The following EMILIN2 variants were observed in gnomAD, a reference collection of about 807,000 sequenced individuals.
EMILIN2 encodes the protein EMILIN-2.
EMILIN2 carries 71 observed loss-of-function variants against 87.1 expected under a neutral mutation model. The observed-to-expected ratio is 0.82, with a 90% CI of 0.67 to 0.99. EMILIN2 has a LOEUF of 0.99. Ranked by LOEUF, EMILIN2 falls within the 50% of genes least tolerant of loss-of-function variation. EMILIN2 has a pLI of 0.00. For missense variants in EMILIN2, 1,407 were observed against 1,371.8 expected (o/e 1.03, Z -0.40); for synonymous variants, 581 against 563.4 (o/e 1.03, Z -0.44).
chr18:2,915,050 C>G lies in EMILIN2; in HGVS notation c.*1646C>G, dbSNP rs562425928. On this transcript the variant is annotated 3_prime_UTR_variant, in exon 8 of 8. Coordinates refer to ENST00000254528, the MANE Select transcript of EMILIN2 (RefSeq NM_032048.3). Reference sequence around the variant, plus strand: ...TCGCCCTCTCCTCTCCTCTCACGCTCCTTTTGAAAAGACCGCACTCGGCGC... The same window carrying G: ...TCGCCCTCTCCTCTCCTCTCACGCTGCTTTTGAAAAGACCGCACTCGGCGC... The G allele has an allele frequency of 1.5e-4, 23 of 152,344 alleles. No homozygotes were observed. Among genetic ancestry groups the G allele is most frequent in the Non-Finnish European group, 3.2e-4 (22 of 68,066 alleles). 9.4% of individuals were successfully genotyped at this position (152,344 alleles called of 1,614,324 possible).
At chr18:2,911,252 G>T (rs1257898273) in intron 7 of EMILIN2, among the ~76,000 whole-genome samples, 3 of 152,176 alleles carry the variant, frequency 2.0e-5, no homozygotes, top group Admixed American at 2.0e-4. Flanking sequence ...CCCTTGGGGG[G>T]CCGTCCGCAT....
At chr18:2,898,618 G>A (rs893162179) in intron 4 of EMILIN2, among the ~76,000 whole-genome samples, 1 of 152,220 alleles carries the variant, frequency 6.6e-6, no homozygotes, top group Non-Finnish European at 1.5e-5. Context: ...ACCCCTTTCT[G>A]CTCATGTCTC....
chr18:2,893,591 C>G (rs769800396), intron 4 of EMILIN2, among the ~76,000 whole-genome samples: 1 of 152,182 alleles, frequency 6.6e-6, no homozygotes, highest in Non-Finnish European at 1.5e-5. Context: ...GCAGCCTTCT[C>G]AAAGGACAGA....
intron 2 of EMILIN2, among the ~76,000 whole-genome samples, chr18:2,855,961 C>T (rs1482269470): frequency 6.6e-6 from 1 of 152,124 alleles, no homozygotes; most frequent in Non-Finnish European, 1.5e-5. Context: ...TCTTTGAGGA[C>T]TTTGGGTTTG....
At chr18:2,870,674 G>A (rs1033110929) in intron 2 of EMILIN2, among the ~76,000 whole-genome samples, 1 of 152,238 alleles carries the variant, frequency 6.6e-6, no homozygotes, top group African/African-American at 2.4e-5. Context: ...TTATGGCTTT[G>A]AAGGAAGCTT....
intron 2 of EMILIN2, among the ~76,000 whole-genome samples, chr18:2,850,649 A>C (rs548409620): frequency 1.8e-3 from 271 of 152,138 alleles, no homozygotes; most frequent in African/African-American, 6.2e-3. Flanking sequence ...TCAGAAACTC[A>C]CTCTAGAGTG....
chr18:2,907,236 A>G (rs2076919000), intron 5 of EMILIN2, 151 bp downstream of exon 5: 8 of 897,816 alleles, frequency 8.9e-6, no homozygotes, highest in Non-Finnish European at 1.0e-5. Context: ...CCGAGGCCCG[A>G]GGGACCGCTC....
upstream of EMILIN2, chr18:2,846,752 G>A (rs2076575792): frequency 2.0e-6 from 2 of 985,300 alleles, no homozygotes; most frequent in South Asian, 9.4e-5. This position sits in a 1 kb window ranked among gnomAD's most constrained non-coding sequence, Gnocchi z 5.3. Context: ...AAGGTGGGAG[G>A]CGGAGTCGCT....
chr18:2,873,049 T>TTA (rs2076728121), intron 2 of EMILIN2, among the ~76,000 whole-genome samples: 1 of 131,428 alleles, frequency 7.6e-6, no homozygotes, highest in African/African-American at 3.2e-5. Flanking sequence ...TTATGTGATT[T>TTA]AAAAAAAAAA....
At chr18:2,889,141 T>C (rs1294499147) in intron 3 of EMILIN2, among the ~76,000 whole-genome samples, 2 of 133,462 alleles carry the variant, frequency 1.5e-5, no homozygotes, top group African/African-American at 6.3e-5. Flanking sequence ...TTCTTTTTTT[T>C]TTTTTTTTTT....
Position 2,903,208 on chromosome 18 carries a change from T to A in EMILIN2, c.2360-3575T>A, listed in dbSNP as rs71356079. On this transcript the variant is annotated intron_variant, in intron 4 of 7. Coordinates refer to ENST00000254528, the MANE Select transcript of EMILIN2 (RefSeq NM_032048.3). ...TGGGGCTGGGGCTCAGGCAGAGGCG[T>A]GTGCCCTGGGAGGCAGGCCAGCTTC... is the stretch of plus-strand genomic sequence containing the variant. Among the ~76,000 whole-genome samples, 698 of 151,808 alleles carry A rather than the reference T, an allele frequency of 4.6e-3. 2 individuals carry two copies. Among genetic ancestry groups the A allele is most frequent in the Non-Finnish European group, 6.8e-3 (461 of 67,936 alleles).
intron 3 of EMILIN2, among the ~76,000 whole-genome samples, chr18:2,889,433 T>C (rs609358): frequency 0.94 from 143,505 of 151,982 alleles, 67,836 homozygotes; most frequent in East Asian, 0.98. Context: ...CCATCATGGC[T>C]GGATGCAGTA....
chr18:2,911,320 G>A (rs149708430), intron 7 of EMILIN2, among the ~76,000 whole-genome samples: 1 of 152,218 alleles, frequency 6.6e-6, no homozygotes, highest in Non-Finnish European at 1.5e-5. Flanking sequence ...CTGGAGTTGT[G>A]CATGTGCCCA....
At chr18:2,911,445 A>G (rs2076940360) in intron 7 of EMILIN2, among the ~76,000 whole-genome samples, 1 of 152,208 alleles carries the variant, frequency 6.6e-6, no homozygotes, top group African/African-American at 2.4e-5. Context: ...TTCATCGCCC[A>G]ACTCCGGAGA....
In EMILIN2 at chr18:2,848,054, C is replaced by G; in HGVS notation, c.257+123C>G. 2 of 1,284,742 alleles carry G rather than the reference C, an allele frequency of 1.6e-6. No individual in the cohort carries two copies. Among genetic ancestry groups the G allele is most frequent in the Non-Finnish European group, 1.0e-6 (1 of 968,038 alleles). 79.6% of individuals were successfully genotyped at this position (1,284,742 alleles called of 1,614,324 possible). Reference sequence around the variant, plus strand: ...TCCCTTCCAGATCCGGTGAAAAGCCCGCAGCGGAAAAGCGCTCCGAGCGCT... The same window carrying G: ...TCCCTTCCAGATCCGGTGAAAAGCCGGCAGCGGAAAAGCGCTCCGAGCGCT... On this transcript the variant is annotated intron_variant, in intron 2 of 7. Transcript: ENST00000254528. This position sits in a 1 kb window ranked among gnomAD's most constrained non-coding sequence, Gnocchi z 4.1.
chr18:2,892,079 G>A lies in EMILIN2; in HGVS notation c.1952G>A (p.Arg651Lys). 1 of 1,614,186 alleles carries A rather than the reference G, an allele frequency of 6.2e-7. No individual in the cohort carries two copies. Among genetic ancestry groups the A allele is most frequent in the Non-Finnish European group, 8.5e-7 (1 of 1,180,024 alleles). Residue 651 changes from arginine (R) to lysine (K), a missense_variant, in exon 4 of 8, where the codon AGG becomes AAG. By Grantham distance (26) the Arg-to-Lys change is conservative. Coordinates refer to ENST00000254528, the MANE Select transcript of EMILIN2 (RefSeq NM_032048.3). ...GRFTKVGEQERTVDTLPSPQH... is the reference protein window; with the variant it reads ...GRFTKVGEQEKTVDTLPSPQH... ...TTCACTAAGGTGGGTGAGCAAGAAA[G>A]GACAGTGGACACCCTGCCGTCCCCC... is the stretch of plus-strand genomic sequence containing the variant.
chr18:2,885,737 C>T (rs1372364214), intron 3 of EMILIN2, among the ~76,000 whole-genome samples: 3 of 152,090 alleles, frequency 2.0e-5, no homozygotes, highest in Non-Finnish European at 4.4e-5. Context: ...AGGCTGGTCT[C>T]CAACTCCTGA....
In EMILIN2 at chr18:2,880,296, T is replaced by G. The variant is rs2076770256; in HGVS notation, c.258-4668T>G. Among the ~76,000 whole-genome samples, 1 of 152,150 alleles carries G rather than the reference T, an allele frequency of 6.6e-6. No individual in the cohort carries two copies. The highest frequency in any genetic ancestry group is 1.5e-5 in the Non-Finnish European group (1 of 68,024). On this transcript the variant is annotated intron_variant, in intron 2 of 7. Transcript: ENST00000254528. This position sits in a 1 kb window ranked among gnomAD's most constrained non-coding sequence, Gnocchi z 4.1. ...AGGACTTTTTTTTTTGACACCTTCC[T>G]TCTCATTAGAATCTCCTGGGCCAGT...
chr18:2,894,428 C>A lies in EMILIN2; in HGVS notation c.2359+1942C>A, dbSNP rs139080827. On this transcript the variant is annotated intron_variant, in intron 4 of 7. Transcript: ENST00000254528. The surrounding 1 kb of genome is among the most constrained non-coding windows in gnomAD (Gnocchi z 5.0). ...TCCCCCACTCCAGGGCCACTCAGCT[C>A]CTCTATCTCTGGAATGTTGAGTAGA... 6.6e-6 allele frequency among the ~76,000 whole-genome samples: 1 copy of A among 152,212 alleles called. No individual in the cohort carries two copies. Among genetic ancestry groups the A allele is most frequent in the Non-Finnish European group, 1.5e-5 (1 of 68,036 alleles).
Sources: gnomAD v4.1 joint callset for allele counts (sites outside exome capture counted in the v4.1 genomes callset) on GRCh38, gnomAD v4.1.1 for gene constraint, Gnocchi (gnomAD v3.1) non-coding constraint, MANE v1.5 for transcripts, NCBI Gene and HGNC (gene_info 2026-07-23, HGNC 2026-07-21) for gene names.